Variants in ABCC5 observed in about 807,000 individuals in gnomAD.
The protein encoded by ABCC5 is ATP-binding cassette sub-family C member 5.
In ABCC5, 61 loss-of-function variants were observed where a neutral mutation model predicts 160.9. That is an observed-to-expected ratio of 0.38 (90% CI 0.31 to 0.47). ABCC5 has a LOEUF of 0.47. Among genes scored for constraint, ABCC5 ranks in the 20% least tolerant of loss-of-function variants. ABCC5 has a pLI of 0.99. For synonymous variants in ABCC5, 666 were observed against 700.6 expected (o/e 0.95, Z 0.78); for missense variants, 1,308 against 1,813.3 (o/e 0.72, Z 5.06).
At chr3:183,990,345 T>C (rs1416018393) in intron 2 of ABCC5, among the ~76,000 whole-genome samples, 2 of 152,158 alleles carry the variant, frequency 1.3e-5, no homozygotes, top group African/African-American at 4.8e-5. Flanking sequence ...GACCTCGTGA[T>C]CCGCCCACCT....
rs192552833 is a variant in ABCC5, at chr3:183,967,555, G to T, written c.1833+140C>A. 5 of 740,168 alleles carry T rather than the reference G, an allele frequency of 6.8e-6. No homozygotes were observed. In the Admixed American group the frequency reaches 9.6e-5, roughly 14 times the overall value. 45.9% of individuals were successfully genotyped at this position (740,168 alleles called of 1,614,324 possible). A position where few individuals can be genotyped will look rare whatever the true frequency, so the allele number is the denominator to read the frequency against. ...AAGGGGGAGAACTGGGGGGAACTGC[G>T]GGGGATTGGGGGCATACAATGCAGG... On this transcript the variant is annotated intron_variant, in intron 12 of 29. Transcript: ENST00000334444.
Position 183,963,609 on chromosome 3 carries a change from G to A in ABCC5, c.2032-21C>T. ...CCAATCTACAAGAGCCCAGAAGTGT[G>A]GTGAAGCCTCCAGCGCAAGTCCAGA... On this transcript the variant is annotated intron_variant, in intron 14 of 29. Coordinates refer to ENST00000334444, the MANE Select transcript of ABCC5 (RefSeq NM_005688.4). This position sits in a 1 kb window ranked among gnomAD's most constrained non-coding sequence, Gnocchi z 4.6. 2 of 1,612,248 alleles carry A rather than the reference G, an allele frequency of 1.2e-6. No individual in the cohort carries two copies. The highest frequency in any genetic ancestry group is 2.2e-5 in the East Asian group (1 of 44,866).
At chr3:183,958,103 C>T (rs1423820329) in intron 17 of ABCC5, among the ~76,000 whole-genome samples, 4 of 152,100 alleles carry the variant, frequency 2.6e-5, no homozygotes, top group Admixed American at 1.3e-4. Context: ...CATGCTTATC[C>T]GTGTGTATAT....
intron 5 of ABCC5, 111 bp from the exon 6 acceptor site, chr3:183,983,118 G>C: frequency 1.0e-6 from 1 of 990,938 alleles, no homozygotes; most frequent in Non-Finnish European, 1.5e-6. Context: ...GGACCAGTGC[G>C]CAAGCAAAGC....
Position 184,014,164 on chromosome 3 carries a change from C to T in ABCC5, c.129+100G>A, listed in dbSNP as rs1489173301. 10 of 1,164,838 alleles carry T rather than the reference C, an allele frequency of 8.6e-6. No homozygotes were observed. The African/African-American group carries it at 1.1e-4, about 13-fold the overall frequency. The allele number at this position is 1,164,838 out of a possible 1,614,324, so 72.2% of individuals were successfully genotyped here. ...CTGGGTTTATAGGCGTGAGCCACCG[C>T]GCCCGGCCAAAAAATAAGTTTCTAA... On this transcript the variant is annotated intron_variant, in intron 2 of 29. Transcript: ENST00000334444.
intron 10 of ABCC5, among the ~76,000 whole-genome samples, chr3:183,976,625 G>A (rs928913351): frequency 1.3e-5 from 2 of 152,060 alleles, no homozygotes; most frequent in African/African-American, 2.4e-5. Flanking sequence ...AACAAATCTC[G>A]GGAACTGAGT....
intron 26 of ABCC5, among the ~76,000 whole-genome samples, chr3:183,935,915 C>A (rs1357623485): frequency 6.6e-6 from 1 of 152,198 alleles, no homozygotes; most frequent in Non-Finnish European, 1.5e-5. Flanking sequence ...GATTCAATTA[C>A]AGAAACACCA....
intron 29 of ABCC5, among the ~76,000 whole-genome samples, chr3:183,925,005 A>AGGG (rs1712387397): frequency 1.3e-5 from 2 of 152,330 alleles, no homozygotes; most frequent in Non-Finnish European, 2.9e-5. Context: ...CGCACCTGCA[A>AGGG]AGGAAGAGTG....
chr3:183,957,919 T>A (rs374485964), intron 17 of ABCC5, among the ~76,000 whole-genome samples: 1 of 84,588 alleles, frequency 1.2e-5, no homozygotes. Flanking sequence ...TCCGTGTGTA[T>A]ATCACATCGG....
Position 183,925,585 on chromosome 3 carries a change from G to A in ABCC5, c.4182C>T (p.Ser1394=), listed in dbSNP as rs563829583. ...CCTGGGCCAGCACCATAATCCTATC[G>A]GAGCCTAGAACCGTGTGCAGGCGAT... ...IAHRLHTVLG[S]DRIMVLAQGQ... Residue 1394 remains serine (S), a synonymous_variant, in exon 29 of 30, where the codon TCC becomes TCT. Transcript: ENST00000334444. 30 of 1,613,898 alleles carry A rather than the reference G, an allele frequency of 1.9e-5. No homozygotes were observed. The highest frequency in any genetic ancestry group is 2.7e-5 in the African/African-American group (2 of 74,960).
chr3:183,986,433 T>C (rs1306481340), intron 5 of ABCC5: 2 of 152,174 alleles, frequency 1.3e-5, no homozygotes, highest in Non-Finnish European at 2.9e-5. Context: ...CCCAGTGTTC[T>C]GCACCATAAA....
chr3:183,942,292 C>T, intron 25 of ABCC5: 2 of 434,732 alleles, frequency 4.6e-6, no homozygotes, highest in Non-Finnish European at 9.2e-6. Flanking sequence ...CCTCGCCCTC[C>T]CAAAGTGCTG....
At chr3:183,953,381 G>T (rs1165326853) in intron 17 of ABCC5, 111 bp from the exon 18 acceptor site, 8 of 893,112 alleles carry the variant, frequency 9.0e-6, no homozygotes, top group Non-Finnish European at 1.1e-5. Context: ...CAGGGGTCTA[G>T]ATTAGATTTC....
At chr3:183,950,557 T>C (rs968827088) in intron 20 of ABCC5, among the ~76,000 whole-genome samples, 5 of 152,240 alleles carry the variant, frequency 3.3e-5, no homozygotes, top group Non-Finnish European at 7.3e-5. Flanking sequence ...TCAACAGTTA[T>C]CAACTTTCAT....
At chr3:184,002,273 C>T (rs1720807342) in intron 2 of ABCC5, among the ~76,000 whole-genome samples, 1 of 151,948 alleles carries the variant, frequency 6.6e-6, no homozygotes, top group Non-Finnish European at 1.5e-5. Flanking sequence ...GTGATGCATG[C>T]CTGTCATCCC....
Position 184,002,713 on chromosome 3 carries a change from C to T in ABCC5, c.129+11551G>A, listed in dbSNP as rs193042206. On this transcript the variant is annotated intron_variant, in intron 2 of 29. Transcript: ENST00000334444. ...GACAGGGCAACCAAGGGCTTTTCCC[C>T]TGCACGGAGGCCTCTGGGACAGATA... 3.9e-5 allele frequency among the ~76,000 whole-genome samples: 6 copies of T among 152,344 alleles called. No homozygotes were observed. In the East Asian group the frequency reaches 1.2e-3, roughly 29 times the overall value.
intron 2 of ABCC5, among the ~76,000 whole-genome samples, chr3:184,012,014 A>AACAC (rs3031485): frequency 0.015 from 2,145 of 145,460 alleles, 31 homozygotes; most frequent in African/African-American, 0.041. Context: ...CATAGAACAC[A>AACAC]ACACACACAC....
chr3:183,926,616 C>G (rs1227958426), intron 28 of ABCC5, among the ~76,000 whole-genome samples: 1 of 152,116 alleles, frequency 6.6e-6, no homozygotes, highest in African/African-American at 2.4e-5. Flanking sequence ...TGCTCTGTGA[C>G]AGTGAGCATG....
Position 183,937,990 on chromosome 3 carries a change from T to C in ABCC5, c.3765A>G (p.Gly1255=). ...ELSGGCIKID[G]VRISDIGLAD... ...CAAGGCCAATATCACTGATTCTCAC[T>C]CCATCAATCTTGATGCAGCCTCCAG... Residue 1255 remains glycine, a synonymous_variant, in exon 26 of 30, where the codon GGA becomes GGG. Transcript: ENST00000334444. 1 of 1,614,144 alleles carries C rather than the reference T, an allele frequency of 6.2e-7. No individual in the cohort carries two copies. Among genetic ancestry groups the C allele is most frequent in the Non-Finnish European group, 8.5e-7 (1 of 1,180,032 alleles).
Sources: allele counts gnomAD v4.1 joint callset (sites outside exome capture counted in the v4.1 genomes callset), GRCh38; gene constraint gnomAD v4.1.1; non-coding constraint Gnocchi (gnomAD v3.1); transcripts MANE v1.5; gene names NCBI Gene and HGNC (gene_info 2026-07-23, HGNC 2026-07-21).